Variants in XRCC5 observed in about 807,000 individuals in gnomAD.
XRCC5 encodes DNA repair protein Ku80.
A neutral mutation model predicts 95.7 loss-of-function variants in XRCC5; 12 were observed. The ratio of observed to expected loss-of-function variants is 0.13; its 90% CI spans 0.08 to 0.20. The LOEUF is 0.20. Among genes scored for constraint, XRCC5 ranks in the 10% least tolerant of loss-of-function variants. The pLI is 1.00. For synonymous variants in XRCC5, 281 were observed against 290.3 expected, an observed-to-expected ratio of 0.97 and a Z score of 0.33; for missense variants, 595 against 873.9, an observed-to-expected ratio of 0.68 and a Z score of 4.02.
chr2:216,173,753 T>C (rs963155565), intron 16 of XRCC5, among the ~76,000 whole-genome samples: 1 of 152,112 alleles, frequency 6.6e-6, no homozygotes, highest in African/African-American at 2.4e-5. Flanking sequence ...CTTGAGTGGG[T>C]TAGTTATAAA....
intron 1 of XRCC5, among the ~76,000 whole-genome samples, chr2:216,111,812 TCCTA>T (rs1414062088): frequency 1.3e-5 from 2 of 152,192 alleles, no homozygotes; most frequent in Non-Finnish European, 2.9e-5. Flanking sequence ...TCCAACAGTT[TCCTA>T]CCTTTTAGTA....
At position 216,170,037 on chromosome 2, in the gene XRCC5, C is replaced by CAAAAAAA. The variant is rs71047982; in HGVS notation, c.1834+8016_1834+8022dup. Among the ~76,000 whole-genome samples, 154 of 53,640 alleles carry CAAAAAAA rather than the reference C, an allele frequency of 2.9e-3. 9 individuals carry two copies. Among genetic ancestry groups the CAAAAAAA allele is most frequent in the African/African-American group, 7.4e-3 (138 of 18,526 alleles). The allele number at this position is 53,640 out of a possible 152,430, so 35.2% of individuals were successfully genotyped here. On this transcript the variant is annotated intron_variant, in intron 16 of 20. Coordinates refer to ENST00000392132, the MANE Select transcript of XRCC5 (RefSeq NM_021141.4). ...CTGGCGACAGAGCAAGACTGTGTCT[C>CAAAAAAA]AAAAAAAAAAAAAAAAAAAAAAAAA...
At chr2:216,127,418 T>C (rs1696916578) in intron 7 of XRCC5, 118 bp from the exon 8 acceptor site, 2 of 1,179,126 alleles carry the variant, frequency 1.7e-6, no homozygotes, top group Admixed American at 5.7e-5. Flanking sequence ...AACAAAATAA[T>C]GGAGCTAGAG....
At chr2:216,117,852 TAATGTATTG>T (rs1696729405) in intron 4 of XRCC5, 58 bp downstream of exon 4, 1 of 1,516,042 alleles carries the variant, frequency 6.6e-7, no homozygotes, top group Non-Finnish European at 9.2e-7. Flanking sequence ...TTGTATGGGT[TAATGTATTG>T]AATGTATTTT....
At chr2:216,156,382 T>A in intron 14 of XRCC5, 1 of 796,980 alleles carries the variant, frequency 1.3e-6, no homozygotes, top group Non-Finnish European at 2.2e-6. Context: ...GGGCAACCCT[T>A]CAATTTAAGT....
At chr2:216,164,204 T>C (rs969829966) in intron 16 of XRCC5, among the ~76,000 whole-genome samples, 1 of 152,136 alleles carries the variant, frequency 6.6e-6, no homozygotes, top group African/African-American at 2.4e-5. Flanking sequence ...TGAAGGAAAA[T>C]TGAGACTTTC....
chr2:216,169,526 A>G (rs972628837), intron 16 of XRCC5, among the ~76,000 whole-genome samples: 1 of 152,212 alleles, frequency 6.6e-6, no homozygotes, highest in Admixed American at 6.5e-5. Flanking sequence ...TTTAAAAACA[A>G]TATTGCTTAT....
intron 8 of XRCC5, among the ~76,000 whole-genome samples, chr2:216,130,295 T>C (rs186513474): frequency 1.5e-4 from 23 of 151,274 alleles, no homozygotes; most frequent in African/African-American, 5.1e-4. Flanking sequence ...TCCTATGTAA[T>C]TAAAAAGAAA....
At chr2:216,141,681 T>C (rs1697175057) in intron 13 of XRCC5, among the ~76,000 whole-genome samples, 1 of 151,648 alleles carries the variant, frequency 6.6e-6, no homozygotes, top group Non-Finnish European at 1.5e-5. Context: ...TCAAGCACTC[T>C]TCCCGCCTCA....
chr2:216,165,338 G>A (rs1341899628), intron 16 of XRCC5, among the ~76,000 whole-genome samples: 2 of 152,208 alleles, frequency 1.3e-5, no homozygotes, highest in East Asian at 1.9e-4. Context: ...GACAAAAGAT[G>A]TCCCTCTGAC....
At position 216,138,175 on chromosome 2, in the gene XRCC5, C is replaced by T. The variant is rs1436972934; in HGVS notation, c.1338C>T (p.Pro446=). The change falls in exon 12 of 21, where the codon CCC becomes CCT. Residue 446 remains proline (P), a synonymous_variant. Transcript: ENST00000392132. The part of the protein sequence containing the change: ...SSLKNSKKYA[P]TEAQLNAVDA... ...TGAAAAACAGTAAGAAATATGCTCC[C>T]ACCGGTGAGTTTGTTTTCATTTAGA... is the stretch of plus-strand genomic sequence containing the variant. 5.0e-6 allele frequency: 8 copies of T among 1,612,438 alleles called. No homozygotes were observed. The Middle Eastern group carries it at 6.6e-4, about 133-fold the overall frequency.
At chr2:216,204,231 A>C (rs1689899795) in intron 19 of XRCC5, 91 bp from the exon 20 acceptor site, 1 of 1,455,996 alleles carries the variant, frequency 6.9e-7, no homozygotes, top group African/African-American at 1.4e-5. Flanking sequence ...AGGCTGCCTT[A>C]GGTTTTGCTG....
intron 15 of XRCC5, 59 bp from the exon 16 acceptor site, chr2:216,161,920 T>G: frequency 1.4e-6 from 2 of 1,440,134 alleles, no homozygotes; most frequent in Non-Finnish European, 2.0e-6. Flanking sequence ...TTGTATTGCC[T>G]GGGGTGCTGC....
intron 17 of XRCC5, 137 bp downstream of exon 17, chr2:216,190,471 G>A: frequency 1.6e-6 from 1 of 625,376 alleles, no homozygotes; most frequent in South Asian, 2.8e-5. Context: ...TATGCCAGTG[G>A]AGCTAAAAAT....
At chr2:216,182,771 A>C (rs1689413635) in intron 16 of XRCC5, among the ~76,000 whole-genome samples, 1 of 152,218 alleles carries the variant, frequency 6.6e-6, no homozygotes, top group African/African-American at 2.4e-5. Flanking sequence ...TACACTAGGC[A>C]GTGCATGTTC....
At chr2:216,190,427 G>A (rs1034765082) in intron 17 of XRCC5, 93 bp downstream of exon 17, 27 of 1,113,476 alleles carry the variant, frequency 2.4e-5, no homozygotes, top group African/African-American at 2.2e-4. Context: ...AGTCTGGGCC[G>A]TGGAAATTAT....
chr2:216,116,254 A>G (rs1170652103), intron 2 of XRCC5, among the ~76,000 whole-genome samples: 1 of 152,066 alleles, frequency 6.6e-6, no homozygotes, highest in African/African-American at 2.4e-5. Flanking sequence ...AATTGCTGGG[A>G]TATAGGCTAT....
chr2:216,184,032 CTGTGTGTGTGTGTGTG>C (rs3221952), intron 16 of XRCC5, among the ~76,000 whole-genome samples: 24 of 145,730 alleles, frequency 1.6e-4, no homozygotes, highest in South Asian at 4.6e-4. Flanking sequence ...TAAGTCAGCA[CTGTGTGTGTGTGTGTG>C]TGTGTGTGTG....
At chr2:216,121,583 T>A (rs930649788) in intron 5 of XRCC5, among the ~76,000 whole-genome samples, 5 of 152,142 alleles carry the variant, frequency 3.3e-5, no homozygotes, top group African/African-American at 9.7e-5. Context: ...CTAATTCCAT[T>A]TATGAGTTCC....
Sources: allele counts gnomAD v4.1 joint callset (sites outside exome capture counted in the v4.1 genomes callset), GRCh38; gene constraint gnomAD v4.1.1; transcripts MANE v1.5; gene names NCBI Gene and HGNC (gene_info 2026-07-23, HGNC 2026-07-21).